TRPM6: variants seen among roughly 807,000 people sequenced by gnomAD.
TRPM6 encodes the protein channel kinase 2.
In TRPM6, 111 loss-of-function variants were observed where a neutral mutation model predicts 247.6. The ratio of observed to expected loss-of-function variants is 0.45; its 90% confidence interval spans 0.38 to 0.52. The LOEUF is 0.52. Ranked by LOEUF, TRPM6 falls within the 20% of genes least tolerant of loss-of-function variation. The pLI is 0.00. For synonymous variants in TRPM6, 892 were observed against 853.8 expected, an observed-to-expected ratio of 1.04 and a Z score of -0.78; for missense variants, 2,126 against 2,421.5, an observed-to-expected ratio of 0.88 and a Z score of 2.56.
intron 23 of TRPM6, among the ~76,000 whole-genome samples, chr9:74,781,988 C>T (rs929834711): frequency 7.2e-5 from 11 of 152,220 alleles, no homozygotes; most frequent in South Asian, 4.1e-4. Flanking sequence ...CCATTTACAT[C>T]GCATTAATAC....
chr9:74,828,236 G>C (rs551369902), intron 6 of TRPM6, among the ~76,000 whole-genome samples: 2 of 152,172 alleles, frequency 1.3e-5, no homozygotes, highest in South Asian at 4.2e-4. Flanking sequence ...GGTGCCTGTA[G>C]TCCCAGCTAC....
In TRPM6 at chr9:74,874,940, A is replaced by G. The variant is rs1355292349; in HGVS notation, c.33+12884T>C. ...CCAGCTAATTTTTTTTTTTTTTGCT[A>G]CTTTTAGTAGAGACAAGTTTCGCCA... On this transcript the variant is annotated intron_variant, in intron 1 of 38. Coordinates refer to ENST00000360774, the MANE Select transcript of TRPM6 (RefSeq NM_017662.5). Among the ~76,000 whole-genome samples, 7 of 147,418 alleles carry G rather than the reference A, an allele frequency of 4.7e-5. No homozygotes were observed. In the East Asian group the frequency reaches 1.2e-3, roughly 25 times the overall value.
At chr9:74,760,693 T>C (rs548363032) in intron 27 of TRPM6, among the ~76,000 whole-genome samples, 31 of 152,330 alleles carry the variant, frequency 2.0e-4, no homozygotes, top group Admixed American at 1.5e-3. Context: ...TATACTGAAT[T>C]GGCGAGTGCT....
chr9:74,809,109 C>T lies in TRPM6; in HGVS notation c.1498-935G>A, dbSNP rs540722649. 2.6e-5 allele frequency among the ~76,000 whole-genome samples: 4 copies of T among 152,208 alleles called. No homozygotes were observed. The South Asian group carries it at 6.2e-4, about 24-fold the overall frequency. ...TATCTGAAACTCCATACAGGCATAC[C>T]TTAGAGATATTGCGGGTTCAGTTCG... On this transcript the variant is annotated intron_variant, in intron 13 of 38. Coordinates refer to ENST00000360774, the MANE Select transcript of TRPM6 (RefSeq NM_017662.5).
At chr9:74,793,813 C>A (rs1186967596) in intron 18 of TRPM6, among the ~76,000 whole-genome samples, 2 of 152,014 alleles carry the variant, frequency 1.3e-5, no homozygotes, top group East Asian at 3.9e-4. Flanking sequence ...TTGTGTTGTA[C>A]ATGCATTTTT....
chr9:74,766,747 C>G (rs1476006996), intron 25 of TRPM6, among the ~76,000 whole-genome samples: 1 of 149,802 alleles, frequency 6.7e-6, no homozygotes, highest in Non-Finnish European at 1.5e-5. Flanking sequence ...CCCATCTCTA[C>G]TAAAAAAAAA....
At chr9:74,830,968 G>A (rs760752329) in intron 6 of TRPM6, among the ~76,000 whole-genome samples, 21 of 151,806 alleles carry the variant, frequency 1.4e-4, no homozygotes, top group African/African-American at 4.1e-4. Context: ...TATACAGACT[G>A]GTCCAAGCAT....
intron 3 of TRPM6, among the ~76,000 whole-genome samples, chr9:74,852,388 G>T (rs1830352771): frequency 6.6e-6 from 1 of 150,800 alleles, no homozygotes; most frequent in East Asian, 2.0e-4. Context: ...AAAAAAAATT[G>T]TATAAATGCA....
At chr9:74,728,028 G>C (rs1825392076) in intron 38 of TRPM6, among the ~76,000 whole-genome samples, 1 of 152,132 alleles carries the variant, frequency 6.6e-6, no homozygotes, top group Non-Finnish European at 1.5e-5. Flanking sequence ...GCCCCAAGTT[G>C]TTTTATCACA....
intron 3 of TRPM6, among the ~76,000 whole-genome samples, 168 bp downstream of exon 3, chr9:74,855,359 C>G (rs894812187): frequency 6.6e-6 from 1 of 152,162 alleles, no homozygotes; most frequent in African/African-American, 2.4e-5. Flanking sequence ...TAGTCTATTA[C>G]GTTCGAATAC....
At position 74,801,953 on chromosome 9, in the gene TRPM6, C is replaced by T. The variant is rs1335609035; in HGVS notation, c.1954G>A (p.Ala652Thr). The T allele has an allele frequency of 2.0e-5, 33 of 1,614,124 alleles. No homozygotes were observed. Among genetic ancestry groups the T allele is most frequent in the Non-Finnish European group, 2.7e-5 (32 of 1,180,052 alleles). ...CILYRAMAHE[A>T]KESHMVDDAS... ...TCATCCACCATGTGACTCTCCTTAG[C>T]TTCATGGGCCATTGCCCGGTAGAGG... is the stretch of plus-strand genomic sequence containing the variant. The change falls in exon 16 of 39, where the codon GCT becomes ACT. Residue 652 changes from alanine (A) to threonine (T), a missense_variant. By Grantham distance (58) the Ala-to-Thr change is moderately conservative (BLOSUM62 0). Coordinates refer to ENST00000360774, the MANE Select transcript of TRPM6 (RefSeq NM_017662.5).
intron 1 of TRPM6, among the ~76,000 whole-genome samples, chr9:74,883,527 G>A (rs895419283): frequency 1.3e-5 from 2 of 152,046 alleles, no homozygotes; most frequent in African/African-American, 2.4e-5. Context: ...CATAACACTC[G>A]GTCAGTATTT....
intron 27 of TRPM6, among the ~76,000 whole-genome samples, chr9:74,760,081 A>G (rs1444789366): frequency 6.6e-6 from 1 of 152,220 alleles, no homozygotes; most frequent in Non-Finnish European, 1.5e-5. Flanking sequence ...ACCTAGTGAC[A>G]TTACAGCTGT....
chr9:74,739,894 T>A lies in TRPM6; in HGVS notation c.5316A>T (p.Arg1772=). Residue 1772 remains arginine, a synonymous_variant, in exon 34 of 39, where the codon CGA becomes CGT. Transcript: ENST00000360774. Reference sequence around the variant, plus strand: ...TACGGAGGCCCCCATCCATCTCCTCTCGGGACAATACCTGGATCATTGCCG... The same window carrying A: ...TACGGAGGCCCCCATCCATCTCCTCACGGGACAATACCTGGATCATTGCCG... ...GRAAMIQVLS[R]EEMDGGLRKA... 1 of 1,614,070 alleles carries A rather than the reference T, an allele frequency of 6.2e-7. No individual in the cohort carries two copies. The highest frequency in any genetic ancestry group is 8.5e-7 in the Non-Finnish European group (1 of 1,180,020).
chr9:74,833,044 C>G (rs1829597880), intron 6 of TRPM6, among the ~76,000 whole-genome samples: 1 of 151,090 alleles, frequency 6.6e-6, no homozygotes, highest in South Asian at 2.1e-4. Context: ...GAGCGAGACT[C>G]CGTCTCAGGA....
chr9:74,755,594 G>C (rs867092077), intron 27 of TRPM6, 121 bp from the exon 28 acceptor site: 1 of 1,268,914 alleles, frequency 7.9e-7, no homozygotes, highest in Middle Eastern at 1.9e-4. Context: ...TATGACAATT[G>C]CCTGGGAAGT....
At chr9:74,799,664 T>C (rs1828240603) in intron 17 of TRPM6, among the ~76,000 whole-genome samples, 1 of 152,202 alleles carries the variant, frequency 6.6e-6, no homozygotes, top group Non-Finnish European at 1.5e-5. Context: ...GTAAAAAGTC[T>C]CATTTACTTT....
chr9:74,750,355 T>C (rs1826201332), intron 30 of TRPM6, among the ~76,000 whole-genome samples: 1 of 152,248 alleles, frequency 6.6e-6, no homozygotes, highest in Non-Finnish European at 1.5e-5. Flanking sequence ...TTCACAATCT[T>C]ATCTATCCAA....
At chr9:74,817,008 C>T in intron 9 of TRPM6, 44 bp from the exon 10 acceptor site, 1 of 1,495,956 alleles carries the variant, frequency 6.7e-7, no homozygotes, top group Non-Finnish European at 9.3e-7. Context: ...GGGGAACTAC[C>T]AAATAAATGC....
Sources: allele counts gnomAD v4.1 joint callset (sites outside exome capture counted in the v4.1 genomes callset), GRCh38; gene constraint gnomAD v4.1.1; transcripts MANE v1.5; gene names NCBI Gene and HGNC (gene_info 2026-07-23, HGNC 2026-07-21).